The following MAGI2 variants were observed in gnomAD, a reference collection of about 807,000 sequenced individuals.
The protein encoded by MAGI2 is membrane associated guanylate kinase, WW and PDZ domain containing 2.
Under a neutral mutation model 133.3 loss-of-function variants are expected in MAGI2, and 35 were observed. That is an observed-to-expected ratio of 0.26 (90% confidence interval 0.20 to 0.35). The LOEUF (loss-of-function observed/expected upper bound fraction) is 0.35, where lower values mean the gene tolerates loss of function less well. MAGI2 is among the 10% of genes least tolerant of loss of function. The probability of loss-of-function intolerance (pLI) is 1.00; values close to 1 mark genes in which losing one functional copy is unlikely to be tolerated. For missense variants in MAGI2, 1,636 were observed against 1,863.4 expected, an observed-to-expected ratio of 0.88 and a Z score of 2.25; for synonymous variants, 729 against 710.6, an observed-to-expected ratio of 1.03 and a Z score of -0.41.
intron 3 of MAGI2, chr7:78,614,513 T>C (rs1410571056): frequency 4.6e-5 from 7 of 152,152 alleles, no homozygotes; most frequent in Admixed American, 2.0e-4. Flanking sequence ...AAAAACATTA[T>C]TGGGGCAAAA....
At chr7:78,632,705 A>G (rs748400172) in intron 2 of MAGI2, among the ~76,000 whole-genome samples, 2 of 152,242 alleles carry the variant, frequency 1.3e-5, no homozygotes, top group Non-Finnish European at 2.9e-5. Context: ...GTGTATGTGC[A>G]TATACACAGA....
intron 2 of MAGI2, among the ~76,000 whole-genome samples, chr7:78,893,679 ATG>A (rs1329864513): frequency 6.6e-6 from 1 of 151,756 alleles, no homozygotes; most frequent in Non-Finnish European, 1.5e-5. Context: ...GAATTAAACA[ATG>A]AGAACACATG....
chr7:79,331,125 TAA>T (rs1216313560), intron 1 of MAGI2, among the ~76,000 whole-genome samples: 2 of 152,196 alleles, frequency 1.3e-5, no homozygotes, highest in African/African-American at 4.8e-5. Context: ...AATTTCAAAA[TAA>T]AAGATAATTC....
intron 1 of MAGI2, among the ~76,000 whole-genome samples, chr7:79,358,116 AG>A (rs1399253525): frequency 6.6e-6 from 1 of 152,042 alleles, no homozygotes; most frequent in East Asian, 1.9e-4. Context: ...TTAAAAAAAA[AG>A]AACCTTTCTC....
Position 78,539,210 on chromosome 7 carries a change from T to C in MAGI2, c.539-17565A>G, listed in dbSNP as rs991415953. The stretch of plus-strand genomic sequence containing the variant: ...CCTTCTATGTCAATTTTGCTGAATG[T>C]TTTAATCATAAAGGGACGCTGAATT... On this transcript the variant is annotated intron_variant, in intron 3 of 21. Transcript: ENST00000354212. 1.1e-4 allele frequency among the ~76,000 whole-genome samples: 17 copies of C among 152,254 alleles called. No individual in the cohort carries two copies. The East Asian group carries it at 3.3e-3, about 29-fold the overall frequency.
chr7:79,181,234 C>T (rs1826593742), intron 1 of MAGI2, among the ~76,000 whole-genome samples: 1 of 152,006 alleles, frequency 6.6e-6, no homozygotes, highest in South Asian at 2.1e-4. Context: ...CTGCATTGCC[C>T]TAGAAGAGGG....
chr7:78,123,256 C>G (rs902600351), intron 20 of MAGI2, among the ~76,000 whole-genome samples: 1 of 152,080 alleles, frequency 6.6e-6, no homozygotes, highest in Admixed American at 6.6e-5. Flanking sequence ...TCAAAACTTG[C>G]TACTCTCCAC....
intron 2 of MAGI2, among the ~76,000 whole-genome samples, chr7:78,783,454 G>A (rs557299021): frequency 2.0e-4 from 30 of 152,208 alleles, no homozygotes; most frequent in Non-Finnish European, 3.1e-4. Flanking sequence ...ATGTGTGTTC[G>A]TATGATGAGA....
chr7:79,128,610 A>G (rs1486469839), intron 1 of MAGI2, among the ~76,000 whole-genome samples: 2 of 152,184 alleles, frequency 1.3e-5, no homozygotes, highest in Non-Finnish European at 2.9e-5. Flanking sequence ...CTTGTTTTCA[A>G]CATTATACTA....
intron 1 of MAGI2, among the ~76,000 whole-genome samples, chr7:79,203,172 T>A (rs1372320119): frequency 2.6e-5 from 4 of 152,092 alleles, no homozygotes; most frequent in Non-Finnish European, 5.9e-5. Context: ...ATACTAACAC[T>A]AGTACACACT....
intron 1 of MAGI2, among the ~76,000 whole-genome samples, chr7:79,228,938 A>C (rs180923937): frequency 5.3e-4 from 81 of 152,272 alleles, no homozygotes; most frequent in Non-Finnish European, 9.0e-4. Flanking sequence ...AACACCAGTA[A>C]ATTTGTCTCT....
rs545440472 is a variant in MAGI2, at chr7:78,020,006, T to G, written c.3707-30A>C. The G allele has an allele frequency of 2.3e-5, 36 of 1,567,098 alleles. No individual in the cohort carries two copies. In the South Asian group the frequency reaches 3.8e-4, roughly 17 times the overall value. ...GGACGGGAAGCACAGGCGTTAGCAG[T>G]GGCGCACGCAGGACGTCCCCGTGCC... On this transcript the variant is annotated intron_variant, in intron 21 of 21. Transcript: ENST00000354212.
At chr7:78,576,904 G>T (rs191884280) in intron 3 of MAGI2, among the ~76,000 whole-genome samples, 6 of 152,118 alleles carry the variant, frequency 3.9e-5, no homozygotes, top group African/African-American at 1.2e-4. Context: ...TTCAAGACCA[G>T]TCTGGCCAAT....
At chr7:78,926,562 C>T (rs1799708250) in intron 2 of MAGI2, among the ~76,000 whole-genome samples, 1 of 151,934 alleles carries the variant, frequency 6.6e-6, no homozygotes, top group African/African-American at 2.4e-5. Flanking sequence ...TTCCAAATGC[C>T]CTTCCCAAGA....
In MAGI2 at chr7:79,422,464, T is replaced by C. The variant is rs1320881912; in HGVS notation, c.301+30556A>G. ...TACTTTATGAAATTTAATTATAATA[T>C]CAAACAATATATCAGAAAAAAATGT... On this transcript the variant is annotated intron_variant, in intron 1 of 21. Transcript: ENST00000354212. 2.0e-5 allele frequency among the ~76,000 whole-genome samples: 3 copies of C among 151,970 alleles called. No individual in the cohort carries two copies. The East Asian group carries it at 5.8e-4, about 29-fold the overall frequency.
At chr7:78,709,340 G>A (rs1041721387) in intron 2 of MAGI2, among the ~76,000 whole-genome samples, 1 of 140,702 alleles carries the variant, frequency 7.1e-6, no homozygotes, top group Non-Finnish European at 1.5e-5. Context: ...CTGTTATTTT[G>A]CTTCCTCTGT....
intron 1 of MAGI2, among the ~76,000 whole-genome samples, chr7:79,149,167 T>C (rs1437912627): frequency 6.8e-6 from 1 of 146,090 alleles, no homozygotes; most frequent in African/African-American, 2.5e-5. Flanking sequence ...ATATTATATA[T>C]ATAGACAGAG....
chr7:79,253,744 TA>T (rs769363041), intron 1 of MAGI2, among the ~76,000 whole-genome samples: 70 of 152,288 alleles, frequency 4.6e-4, no homozygotes, highest in Non-Finnish European at 8.1e-4. Flanking sequence ...AGTAAAAATT[TA>T]AAAATCCTCT....
chr7:78,149,109 C>T (rs1823604031), intron 16 of MAGI2, among the ~76,000 whole-genome samples: 1 of 152,078 alleles, frequency 6.6e-6, no homozygotes, highest in Non-Finnish European at 1.5e-5. Flanking sequence ...TATTTGAAAT[C>T]AAAGATAATA....
Sources: gnomAD v4.1 joint callset for allele counts (sites outside exome capture counted in the v4.1 genomes callset) on GRCh38, gnomAD v4.1.1 for gene constraint, MANE v1.5 for transcripts, NCBI Gene and HGNC (gene_info 2026-07-23, HGNC 2026-07-21) for gene names.